Variants in PTPRT observed in about 807,000 individuals in gnomAD.
The protein encoded by PTPRT is receptor-type tyrosine-protein phosphatase T.
In PTPRT, 56 loss-of-function variants were observed where a neutral mutation model predicts 176.8. The observed-to-expected ratio is 0.32, with a 90% CI of 0.26 to 0.40. The LOEUF (loss-of-function observed/expected upper bound fraction) is 0.40. PTPRT is among the 10% of genes least tolerant of loss of function. The pLI is 1.00. For missense variants in PTPRT, 1,540 were observed against 1,908.2 expected (o/e 0.81, Z 3.60); for synonymous variants, 783 against 739.0 (o/e 1.06, Z -0.96).
rs148649558 is a variant in PTPRT at position 42,350,743 on chromosome 20, C to T, written c.1763-13G>A. 63 of 1,586,164 alleles carry T rather than the reference C, an allele frequency of 4.0e-5. 1 individual carries two copies. In the African/African-American group the frequency reaches 7.5e-4, roughly 19 times the overall value. ...GGCATGGATGGAGCTGGACAGGAAACAGAGAGTGCAGGTGAGTTCAGCACA... is the reference window on the plus strand; with the variant it reads ...GGCATGGATGGAGCTGGACAGGAAATAGAGAGTGCAGGTGAGTTCAGCACA... On this transcript the variant is annotated splice_polypyrimidine_tract_variant and intron_variant, in intron 10 of 30. Coordinates refer to ENST00000373187, the MANE Select transcript of PTPRT (RefSeq NM_007050.6).
At chr20:42,769,422 C>T (rs2077031157) in intron 5 of PTPRT, among the ~76,000 whole-genome samples, 1 of 152,166 alleles carries the variant, frequency 6.6e-6, no homozygotes, top group Non-Finnish European at 1.5e-5. Flanking sequence ...CTATAACGTG[C>T]TCCCATTACA....
intron 9 of PTPRT, among the ~76,000 whole-genome samples, chr20:42,400,516 C>T (rs2058894683): frequency 6.6e-6 from 1 of 151,912 alleles, no homozygotes; most frequent in Non-Finnish European, 1.5e-5. Context: ...CAGGGGACAA[C>T]AGAACTATCT....
At chr20:43,170,280 C>T (rs886476772) in intron 1 of PTPRT, among the ~76,000 whole-genome samples, 1 of 152,158 alleles carries the variant, frequency 6.6e-6, no homozygotes, top group Non-Finnish European at 1.5e-5. Context: ...TCATGTTATG[C>T]TCACAACCAT....
chr20:43,057,403 G>A (rs989515593), intron 1 of PTPRT, among the ~76,000 whole-genome samples: 12 of 143,592 alleles, frequency 8.4e-5, no homozygotes, highest in Non-Finnish European at 1.4e-4. Flanking sequence ...AGGAAAAGAA[G>A]GAAGGAGGGA....
chr20:42,098,588 C>T (rs772414098), intron 26 of PTPRT, 36 bp from the exon 27 acceptor site: 5 of 1,612,116 alleles, frequency 3.1e-6, no homozygotes, highest in Non-Finnish European at 1.7e-6. Flanking sequence ...GTAAATTACA[C>T]ATCCATCAGT....
intron 1 of PTPRT, among the ~76,000 whole-genome samples, chr20:42,994,620 C>T (rs1984127051): frequency 6.6e-6 from 1 of 152,140 alleles, no homozygotes. Flanking sequence ...ATTGGTATTG[C>T]AGTATAACCA....
chr20:42,430,974 G>A (rs994664857), intron 9 of PTPRT, among the ~76,000 whole-genome samples: 4 of 152,144 alleles, frequency 2.6e-5, no homozygotes, highest in African/African-American at 9.7e-5. Context: ...TATGTAGCAA[G>A]AGTTACAAAA....
intron 1 of PTPRT, among the ~76,000 whole-genome samples, chr20:43,165,849 C>T (rs1600764771): frequency 6.6e-6 from 1 of 152,164 alleles, no homozygotes; most frequent in Non-Finnish European, 1.5e-5. Context: ...GGGAATGGAA[C>T]ACTATCCTCT....
chr20:42,966,186 G>A (rs752309679), intron 1 of PTPRT: 2 of 152,144 alleles, frequency 1.3e-5, no homozygotes, highest in African/African-American at 4.8e-5. Flanking sequence ...CGTCAAATTG[G>A]CGTCCAGAAA....
chr20:42,756,398 G>A, intron 6 of PTPRT, 64 bp downstream of exon 6: 1 of 1,395,434 alleles, frequency 7.2e-7, no homozygotes. Flanking sequence ...ATGAGAAAAG[G>A]GGCTTTAAGG....
At chr20:43,120,279 T>C (rs544712191) in intron 1 of PTPRT, among the ~76,000 whole-genome samples, 122 of 149,892 alleles carry the variant, frequency 8.1e-4, no homozygotes, top group African/African-American at 2.9e-3. Flanking sequence ...CAGATCCAGT[T>C]TTTTTTTTTT....
At chr20:42,069,338 A>G (rs78431422), downstream of PTPRT, among the ~76,000 whole-genome samples, 5,049 of 152,316 alleles carry the variant, frequency 0.033, 106 homozygotes, top group South Asian at 0.063. Context: ...TCTAGGCTCT[A>G]TAGCAGGAAT....
chr20:42,851,984 GAC>G (rs1445216661), intron 2 of PTPRT, among the ~76,000 whole-genome samples: 1 of 152,120 alleles, frequency 6.6e-6, no homozygotes, highest in African/African-American at 2.4e-5. Flanking sequence ...TATTTACATA[GAC>G]ACAAATCATT....
intron 1 of PTPRT, among the ~76,000 whole-genome samples, chr20:43,016,095 C>T (rs1253753193): frequency 6.6e-6 from 1 of 152,126 alleles, no homozygotes; most frequent in Non-Finnish European, 1.5e-5. Flanking sequence ...AGCCCCCTGC[C>T]CCCTTCACTC....
At chr20:42,942,035 A>G (rs1980587094) in intron 1 of PTPRT, among the ~76,000 whole-genome samples, 1 of 151,986 alleles carries the variant, frequency 6.6e-6, no homozygotes, top group Non-Finnish European at 1.5e-5. Flanking sequence ...GGATAGGGGT[A>G]GGAGAAAAGG....
At chr20:42,826,206 A>G (rs755996053) in intron 2 of PTPRT, among the ~76,000 whole-genome samples, 1 of 152,136 alleles carries the variant, frequency 6.6e-6, no homozygotes, top group East Asian at 1.9e-4. Flanking sequence ...GCATCCCCCA[A>G]TTAGCTCTGA....
intron 3 of PTPRT, among the ~76,000 whole-genome samples, chr20:42,788,944 A>G (rs2077333590): frequency 6.6e-6 from 1 of 152,220 alleles, no homozygotes; most frequent in Non-Finnish European, 1.5e-5. Context: ...GAGCTACTGA[A>G]GCGTGGCTAA....
At chr20:43,019,339 G>A (rs1347108676) in intron 1 of PTPRT, among the ~76,000 whole-genome samples, 1 of 152,146 alleles carries the variant, frequency 6.6e-6, no homozygotes, top group Non-Finnish European at 1.5e-5. Context: ...ATTGGGCTGT[G>A]GCCGGGCACA....
chr20:43,005,019 T>C (rs1375048180), intron 1 of PTPRT, among the ~76,000 whole-genome samples: 4 of 152,172 alleles, frequency 2.6e-5, no homozygotes, highest in African/African-American at 9.7e-5. Flanking sequence ...GTGTCTCTGA[T>C]AGCTGAGGCT....
Sources: allele counts gnomAD v4.1 joint callset (sites outside exome capture counted in the v4.1 genomes callset), GRCh38; gene constraint gnomAD v4.1.1; transcripts MANE v1.5; gene names NCBI Gene and HGNC (gene_info 2026-07-23, HGNC 2026-07-21).